GHRH: variants seen among roughly 807,000 people sequenced by gnomAD.
GHRH encodes the protein somatoliberin.
GHRH carries 7 observed loss-of-function variants against 15.6 expected under a neutral mutation model. The observed-to-expected ratio is 0.45, with a 90% CI of 0.26 to 0.84. The LOEUF (loss-of-function observed/expected upper bound fraction) is 0.84. Among genes scored for constraint, GHRH ranks in the 40% least tolerant of loss-of-function variants. GHRH has a pLI of 0.18. For missense variants in GHRH, 117 were observed against 138.0 expected (o/e 0.85, Z 0.76); for synonymous variants, 54 against 50.4 (o/e 1.07, Z -0.30).
At chr20:37,253,070 G>A (rs1279344572) in intron 4 of GHRH, among the ~76,000 whole-genome samples, 1 of 152,218 alleles carries the variant, frequency 6.6e-6, no homozygotes, top group East Asian at 1.9e-4. Context: ...CCCCAGCAGA[G>A]TTTCTCCAAA....
chr20:37,254,065 A>C, intron 4 of GHRH, 145 bp downstream of exon 4: 1 of 818,984 alleles, frequency 1.2e-6, no homozygotes, highest in Non-Finnish European at 2.0e-6. Flanking sequence ...CTAGTTCTTA[A>C]TGTCTGTCAG....
intron 1 of GHRH, among the ~76,000 whole-genome samples, chr20:37,260,031 G>A (rs1031185048): frequency 9.9e-5 from 15 of 152,184 alleles, no homozygotes; most frequent in African/African-American, 3.6e-4. Context: ...ACACCTGCTT[G>A]ATTGGCCCCT....
rs553909549 is a variant in GHRH at position 37,251,892 on chromosome 20, G to C, written c.309-661C>G. Among the ~76,000 whole-genome samples the C allele has an allele frequency of 3.3e-5, 5 of 152,348 alleles. No individual in the cohort carries two copies. In the South Asian group the frequency reaches 6.2e-4, roughly 19 times the overall value. On this transcript the variant is annotated intron_variant, in intron 4 of 4. Coordinates refer to ENST00000373614, the MANE Select transcript of GHRH (RefSeq NM_021081.6). ...TGGTATTTGCAGCAGTTGAGCTGGAGGGGGAACAATGGCTATAGCAGCCTT... is the reference window on the plus strand; with the variant it reads ...TGGTATTTGCAGCAGTTGAGCTGGACGGGGAACAATGGCTATAGCAGCCTT...
intron 2 of GHRH, 43 bp downstream of exon 2, chr20:37,256,764 G>T (rs763561841): frequency 5.5e-6 from 8 of 1,466,940 alleles, no homozygotes; most frequent in Non-Finnish European, 3.8e-6. Context: ...CCATGGCAGG[G>T]ATGGCTTGGG....
rs186049712 is a variant in GHRH at position 37,251,817 on chromosome 20, C to G, written c.309-586G>C. ...AAAGTGTGCCATCTGTCACATGGCTCTACTCTGCACTCTAAAGCAGGAACT... is the reference window on the plus strand; with the variant it reads ...AAAGTGTGCCATCTGTCACATGGCTGTACTCTGCACTCTAAAGCAGGAACT... On this transcript the variant is annotated intron_variant, in intron 4 of 4. Coordinates refer to ENST00000373614, the MANE Select transcript of GHRH (RefSeq NM_021081.6). Among the ~76,000 whole-genome samples the G allele has an allele frequency of 3.9e-5, 6 of 152,330 alleles. No individual in the cohort carries two copies. In the East Asian group the frequency reaches 9.6e-4, roughly 24 times the overall value.
At position 37,258,638 on chromosome 20, in the gene GHRH, G is replaced by A. The variant is rs976696245; in HGVS notation, c.-19-1730C>T. Among the ~76,000 whole-genome samples the A allele has an allele frequency of 4.6e-5, 7 of 152,188 alleles. No homozygotes were observed. Among genetic ancestry groups the A allele is most frequent in the African/African-American group, 1.7e-4 (7 of 41,448 alleles). On this transcript the variant is annotated intron_variant, in intron 1 of 4. Coordinates refer to ENST00000373614, the MANE Select transcript of GHRH (RefSeq NM_021081.6). The surrounding 1 kb of genome is among the most constrained non-coding windows in gnomAD (Gnocchi z 4.1). Reference sequence around the variant, plus strand: ...CATGACATGAGCATCCCCACAACACGCACACTGGCTGTCCTCCACTTCCTG... The same window carrying A: ...CATGACATGAGCATCCCCACAACACACACACTGGCTGTCCTCCACTTCCTG...
chr20:37,256,566 C>T, intron 2 of GHRH, 68 bp from the exon 3 acceptor site: 3 of 958,036 alleles, frequency 3.1e-6, no homozygotes, highest in Non-Finnish European at 4.9e-6. Flanking sequence ...CGTGGCTGCA[C>T]TCGCCATGTC....
At chr20:37,259,409 G>A (rs1350531176) in intron 1 of GHRH, among the ~76,000 whole-genome samples, 1 of 152,144 alleles carries the variant, frequency 6.6e-6, no homozygotes, top group African/African-American at 2.4e-5. Flanking sequence ...GAGATCTCTG[G>A]ATGCAAGCAG....
Position 37,252,700 on chromosome 20 carries a change from C to T in GHRH, c.309-1469G>A, listed in dbSNP as rs577572820. ...GGTGGATCACCTGAGGTCAGGAGTTCGAGACAAACTTGGCCAGCATGGTGA... is the reference window on the plus strand; with the variant it reads ...GGTGGATCACCTGAGGTCAGGAGTTTGAGACAAACTTGGCCAGCATGGTGA... On this transcript the variant is annotated intron_variant, in intron 4 of 4. Coordinates refer to ENST00000373614, the MANE Select transcript of GHRH (RefSeq NM_021081.6). Among the ~76,000 whole-genome samples, 8 of 151,216 alleles carry T rather than the reference C, an allele frequency of 5.3e-5. No individual in the cohort carries two copies. The East Asian group carries it at 1.2e-3, about 22-fold the overall frequency.
rs1217278029 is a variant in GHRH, at chr20:37,256,537, G to C, written c.84-39C>G. ...GTCAGGGGTCAGAGGGCGGGGTGGA[G>C]GCCAGGCGAGAGGACAGTCGTGGCT... On this transcript the variant is annotated intron_variant, in intron 2 of 4. Transcript: ENST00000373614. 4 of 1,323,224 alleles carry C rather than the reference G, an allele frequency of 3.0e-6. No homozygotes were observed. The South Asian group carries it at 3.6e-5, about 12-fold the overall frequency. 82.0% of individuals were successfully genotyped at this position (1,323,224 alleles called of 1,614,324 possible). A position where few individuals can be genotyped will look rare whatever the true frequency, so the allele number is the denominator to read the frequency against.
chr20:37,254,150 C>A (rs1010915014), intron 4 of GHRH, 60 bp downstream of exon 4: 5 of 1,599,412 alleles, frequency 3.1e-6, no homozygotes, highest in African/African-American at 2.7e-5. Flanking sequence ...CTTTTCCTGG[C>A]AAACCACGGG....
chr20:37,255,672 AAAAAAAAAAAAAAAG>A lies in GHRH; in HGVS notation c.188+707_188+721del, dbSNP rs1291188460. 1.9e-3 allele frequency among the ~76,000 whole-genome samples: 289 copies of A among 149,942 alleles called. 2 individuals carry two copies. The highest frequency in any genetic ancestry group is 6.8e-3 in the Middle Eastern group (2 of 292). On this transcript the variant is annotated intron_variant, in intron 3 of 4. Transcript: ENST00000373614. ...AGAGACTCCATCTCAAAAAAAAAAA[AAAAAAAAAAAAAAAG>A]AGCTATTAACCCTGTACAATGGGGA...
intron 1 of GHRH, among the ~76,000 whole-genome samples, chr20:37,260,434 A>C (rs1215398371): frequency 1.3e-5 from 2 of 151,924 alleles, no homozygotes; most frequent in African/African-American, 2.4e-5. Flanking sequence ...ACAAAAAAAA[A>C]CTTATCTAGG....
chr20:37,259,722 A>G (rs1398510669), intron 1 of GHRH, among the ~76,000 whole-genome samples: 1 of 152,052 alleles, frequency 6.6e-6, no homozygotes, highest in East Asian at 1.9e-4. Flanking sequence ...AGGCATCCCC[A>G]TGCTCCTCTT....
chr20:37,252,833 G>A (rs918081471), intron 4 of GHRH, among the ~76,000 whole-genome samples: 2 of 152,200 alleles, frequency 1.3e-5, no homozygotes, highest in African/African-American at 2.4e-5. Context: ...GAGGTCAGGA[G>A]TTCAAGACCA....
chr20:37,260,934 G>A (rs1397665537), intron 1 of GHRH, among the ~76,000 whole-genome samples: 1 of 152,126 alleles, frequency 6.6e-6, no homozygotes, highest in Non-Finnish European at 1.5e-5. Flanking sequence ...AATTCGCAAG[G>A]CCATTTTTGA....
intron 3 of GHRH, among the ~76,000 whole-genome samples, chr20:37,255,660 CAA>C (rs61126074): frequency 2.7e-4 from 4 of 14,720 alleles, no homozygotes; most frequent in Non-Finnish European, 5.4e-4. Context: ...GACTCCATCT[CAA>C]AAAAAAAAAA....
rs1600873770 is a variant in GHRH at position 37,257,044 on chromosome 20, C to G, written c.-19-136G>C. The G allele has an allele frequency of 9.4e-6, 6 of 641,616 alleles. No individual in the cohort carries two copies. The East Asian group carries it at 1.7e-4, about 18-fold the overall frequency. 39.7% of individuals were successfully genotyped at this position (641,616 alleles called of 1,614,324 possible). On this transcript the variant is annotated intron_variant, in intron 1 of 4. Transcript: ENST00000373614. ...GAAGCTGTGGGATGGGAAAAAGAAC[C>G]CAGACACTGGAAGTCAGACAGACCT...
intron 3 of GHRH, among the ~76,000 whole-genome samples, chr20:37,255,891 T>A (rs2146749322): frequency 6.6e-6 from 1 of 152,056 alleles, no homozygotes; most frequent in Non-Finnish European, 1.5e-5. Context: ...TCAGTTGTGG[T>A]GGTGCACACT....
Sources: gnomAD v4.1 joint callset for allele counts (sites outside exome capture counted in the v4.1 genomes callset) on GRCh38, gnomAD v4.1.1 for gene constraint, Gnocchi (gnomAD v3.1) non-coding constraint, MANE v1.5 for transcripts, NCBI Gene and HGNC (gene_info 2026-07-23, HGNC 2026-07-21) for gene names.